Variants in ATR observed in about 807,000 individuals in gnomAD.
ATR encodes the protein serine/threonine-protein kinase ATR.
ATR carries 142 observed loss-of-function variants against 305.3 expected under a neutral mutation model. The ratio of observed to expected loss-of-function variants is 0.47; its 90% CI spans 0.41 to 0.53. The LOEUF (loss-of-function observed/expected upper bound fraction) is 0.53, where lower values mean the gene tolerates loss of function less well. Ranked by LOEUF, ATR falls within the 20% of genes least tolerant of loss-of-function variation. ATR has a pLI of 0.00. For missense variants in ATR, 2,135 were observed against 3,133.1 expected, an observed-to-expected ratio of 0.68 and a Z score of 7.60; for synonymous variants, 1,050 against 1,068.1, an observed-to-expected ratio of 0.98 and a Z score of 0.33.
At position 142,549,671 on chromosome 3, in the gene ATR, C is replaced by T. The variant is rs376960547; in HGVS notation, c.2979G>A (p.Arg993=). ...DFPDLNRFLT[R]TLQVLLPDLA... ...GATCAGGTAGTAGAACTTGTAATGT[C>T]CTCTGAAAAAGAATGCAACAATTAC... is the stretch of plus-strand genomic sequence containing the variant. The change falls in exon 15 of 47, where the codon AGG becomes AGA. Residue 993 remains arginine (R), a splice_region_variant and synonymous_variant. Coordinates refer to ENST00000350721, the MANE Select transcript of ATR (RefSeq NM_001184.4). 8.1e-6 allele frequency: 13 copies of T among 1,612,966 alleles called. No homozygotes were observed. Among genetic ancestry groups the T allele is most frequent in the East Asian group, 4.5e-5 (2 of 44,808 alleles).
rs140570011 is a variant in ATR at position 142,505,190 on chromosome 3, C to T, written c.5145G>A (p.Leu1715=). Residue 1715 remains leucine (L), a synonymous_variant, in exon 29 of 47, where the codon CTG becomes CTA. Transcript: ENST00000350721. ...QILEHESLGL[L]RDATACYDRA... is the part of the protein sequence containing the mutation. ...TGTCATAACAAGCAGTGGCATCCCT[C>T]AGCAAGCCAAGGCTTTCATGTTCAA... 107 of 1,614,066 alleles carry T rather than the reference C, an allele frequency of 6.6e-5. No homozygotes were observed. The highest frequency in any genetic ancestry group is 7.8e-5 in the Non-Finnish European group (92 of 1,180,026).
At position 142,558,818 on chromosome 3, in the gene ATR, T is replaced by A. The variant is rs1181159611; in HGVS notation, c.1733-42A>T. On this transcript the variant is annotated intron_variant, in intron 7 of 46. Transcript: ENST00000350721. ...TAAGTCATTAATTATAACTTTTCCT[T>A]AATCATATCTCTTTTAAATAAAAAT... The A allele has an allele frequency of 2.6e-6, 4 of 1,527,860 alleles. No homozygotes were observed. In the Admixed American group the frequency reaches 6.9e-5, roughly 26 times the overall value. 94.6% of individuals were successfully genotyped at this position (1,527,860 alleles called of 1,614,324 possible).
In ATR at chr3:142,524,133, C is replaced by T. The variant is rs2033271628; in HGVS notation, c.4012G>A (p.Val1338Met). ...GCATCTTGGCAACCTTTCAAAAGCA[C>T]TGTCACCAACTGTGAGATAATAGGT... is the stretch of plus-strand genomic sequence containing the variant. ...VEPIISQLVTVLLKGCQDANS... is the reference protein window; with the variant it reads ...VEPIISQLVTMLLKGCQDANS... The change falls in exon 22 of 47, where the codon GTG becomes ATG. Residue 1338 changes from valine to methionine, a missense_variant. Physicochemically the swap from Val to Met is conservative, Grantham distance 21. This residue lies in a region of ATR where 530 missense variants were observed against 766.8 expected (regional missense o/e 0.69). Transcript: ENST00000350721. The T allele has an allele frequency of 1.9e-6, 3 of 1,614,088 alleles. No individual in the cohort carries two copies. Among genetic ancestry groups the T allele is most frequent in the Non-Finnish European group, 8.5e-7 (1 of 1,179,946 alleles).
Position 142,462,020 on chromosome 3 carries a change from T to C in ATR, c.7112A>G (p.Asn2371Ser). 1 of 1,613,298 alleles carries C rather than the reference T, an allele frequency of 6.2e-7. No homozygotes were observed. Among genetic ancestry groups the C allele is most frequent in the Non-Finnish European group, 8.5e-7 (1 of 1,179,444 alleles). ...CCATTCAATAATCCCACATTCATCA[T>C]TTAGTGGAATAACTGCATATGTTCG... ...HIRTYAVIPL[N>S]DECGIIEWVN... Residue 2371 changes from asparagine (N) to serine (S), a missense_variant, in exon 42 of 47, where the codon AAT becomes AGT. Physicochemically the swap from Asn to Ser is conservative, Grantham distance 46 (BLOSUM62 1). Around this residue, in one of 9 missense-constraint regions of ATR, gnomAD observed 462 missense variants for 887.6 expected, o/e 0.52. Coordinates refer to ENST00000350721, the MANE Select transcript of ATR (RefSeq NM_001184.4).
intron 46 of ATR, chr3:142,452,166 G>T: frequency 9.8e-7 from 1 of 1,015,302 alleles, no homozygotes; most frequent in Non-Finnish European, 1.2e-6. Flanking sequence ...TGAAGGATGG[G>T]GGCGTACAGG....
chr3:142,490,696 G>C (rs900637558), intron 35 of ATR, among the ~76,000 whole-genome samples: 3 of 152,092 alleles, frequency 2.0e-5, no homozygotes, highest in Admixed American at 1.3e-4. Context: ...ATATGAGGCA[G>C]AGGTTGAAGA....
chr3:142,561,095 T>C, intron 5 of ATR, 148 bp downstream of exon 5: 1 of 809,748 alleles, frequency 1.2e-6, no homozygotes, highest in Non-Finnish European at 1.9e-6. Context: ...CTACAATAAT[T>C]ATAAAAATAT....
chr3:142,499,063 T>C (rs2031806451), intron 31 of ATR: 1 of 422,658 alleles, frequency 2.4e-6, no homozygotes, highest in Admixed American at 3.5e-5. Flanking sequence ...AAAACATTTT[T>C]GCAGAGACAG....
At chr3:142,578,537 G>C in intron 1 of ATR, 109 bp downstream of exon 1, 2 of 1,266,974 alleles carry the variant, frequency 1.6e-6, no homozygotes, top group Non-Finnish European at 2.2e-6. Context: ...GGCCGCAGCG[G>C]GGGCTTAGGG....
chr3:142,525,982 AAC>A (rs2033373744), intron 21 of ATR, among the ~76,000 whole-genome samples: 1 of 152,216 alleles, frequency 6.6e-6, no homozygotes, highest in South Asian at 2.1e-4. Flanking sequence ...CAGCAAAGCA[AAC>A]AGACTAAAAC....
At chr3:142,495,099 A>G (rs183449778) in intron 34 of ATR, among the ~76,000 whole-genome samples, 1 of 152,338 alleles carries the variant, frequency 6.6e-6, no homozygotes, top group East Asian at 1.9e-4. Flanking sequence ...AGGATGGAAT[A>G]AAGTCTTGTT....
chr3:142,519,293 A>G (rs1042450442), intron 24 of ATR, among the ~76,000 whole-genome samples: 2 of 151,890 alleles, frequency 1.3e-5, no homozygotes, highest in Non-Finnish European at 2.9e-5. Flanking sequence ...CTATATCAAA[A>G]ATCACATTAA....
chr3:142,531,909 C>T (rs1185563000), intron 21 of ATR, among the ~76,000 whole-genome samples: 1 of 152,234 alleles, frequency 6.6e-6, no homozygotes, highest in Non-Finnish European at 1.5e-5. Context: ...ACATCCTCTC[C>T]AGCACCTGTT....
intron 24 of ATR, 104 bp from the exon 25 acceptor site, chr3:142,515,619 CT>C (rs2032827460): frequency 8.0e-7 from 1 of 1,255,934 alleles, no homozygotes; most frequent in Non-Finnish European, 1.1e-6. Flanking sequence ...ACTGCCTTGC[CT>C]TTACTGCAAT....
chr3:142,550,512 T>A (rs1033892917), intron 13 of ATR, among the ~76,000 whole-genome samples: 3 of 152,220 alleles, frequency 2.0e-5, no homozygotes, highest in Non-Finnish European at 4.4e-5. Context: ...AAAACTTGAA[T>A]ATCATGCTAA....
intron 1 of ATR, among the ~76,000 whole-genome samples, chr3:142,570,401 T>G (rs921682571): frequency 3.3e-5 from 5 of 152,198 alleles, no homozygotes; most frequent in African/African-American, 1.2e-4. Context: ...TTATTTACTT[T>G]TTGAGACAGA....
intron 15 of ATR, 112 bp downstream of exon 15, chr3:142,549,367 T>G (rs991390441): frequency 1.4e-6 from 1 of 690,076 alleles, no homozygotes; most frequent in African/African-American, 1.9e-5. Flanking sequence ...TAAACTTACA[T>G]TCTTCTAGGA....
intron 1 of ATR, among the ~76,000 whole-genome samples, chr3:142,568,671 T>C (rs2035158257): frequency 6.6e-6 from 1 of 152,218 alleles, no homozygotes; most frequent in Non-Finnish European, 1.5e-5. Flanking sequence ...CAGGCATCCC[T>C]GCTCTTTCCA....
chr3:142,545,352 T>C (rs1476988688), intron 16 of ATR, among the ~76,000 whole-genome samples: 1 of 149,974 alleles, frequency 6.7e-6, no homozygotes, highest in East Asian at 1.9e-4. Context: ...ATGAGAAAGA[T>C]CCAGGAGATT....
Sources: allele counts gnomAD v4.1 joint callset (sites outside exome capture counted in the v4.1 genomes callset), GRCh38; gene constraint gnomAD v4.1.1; regional missense constraint gnomAD v4.1.1; transcripts MANE v1.5; gene names NCBI Gene and HGNC (gene_info 2026-07-23, HGNC 2026-07-21).